Variants in MGA observed in about 807,000 individuals in gnomAD.
MGA encodes MAX dimerization protein MGA.
A neutral mutation model predicts 261.1 loss-of-function variants in MGA; 40 were observed. The observed-to-expected ratio is 0.15, with a 90% CI of 0.12 to 0.20. MGA has a LOEUF of 0.20. Among genes scored for constraint, MGA ranks in the 10% least tolerant of loss-of-function variants. The pLI is 1.00. For missense variants in MGA, 3,397 were observed against 3,630.5 expected (o/e 0.94, Z 1.65); for synonymous variants, 1,302 against 1,290.6 (o/e 1.01, Z -0.19).
chr15:41,648,611 C>G (rs1186647525), intron 1 of MGA, among the ~76,000 whole-genome samples: 3 of 152,078 alleles, frequency 2.0e-5, no homozygotes, highest in Admixed American at 6.6e-5. Context: ...TTTGTGGGGA[C>G]TGGAAGCAAA....
chr15:41,752,679 C>T lies in MGA; in HGVS notation c.7009-1758C>T, dbSNP rs567628040. 2.7e-4 allele frequency among the ~76,000 whole-genome samples: 41 copies of T among 151,668 alleles called. 1 individual carries two copies. Among genetic ancestry groups the T allele is most frequent in the African/African-American group, 8.7e-4 (36 of 41,348 alleles). On this transcript the variant is annotated intron_variant, in intron 17 of 23. Transcript: ENST00000219905. ...AAGCGATTCTTCTGCCTCAGCCTCC[C>T]GAGTAGCTTGGGATTACAGGTGGGC...
chr15:41,638,802 T>A (rs1467589810), intron 1 of MGA, among the ~76,000 whole-genome samples: 3 of 149,710 alleles, frequency 2.0e-5, no homozygotes, highest in African/African-American at 7.3e-5. Flanking sequence ...GTGATTCTCC[T>A]ACCTCAGCCT....
At chr15:41,749,047 A>G in intron 16 of MGA, 64 bp from the exon 17 acceptor site, 1 of 1,549,242 alleles carries the variant, frequency 6.5e-7, no homozygotes, top group Non-Finnish European at 8.7e-7. Context: ...AAGAAAAGCA[A>G]ACATTGGAAG....
Position 41,669,882 on chromosome 15 carries a change from C to G in MGA, c.988C>G (p.Arg330Gly), listed in dbSNP as rs182187974. ...GGAGAAGACTTCCCTTAATATAAAACGAGACTTTCTTGGTTTCATGGATAC... is the reference window on the plus strand; with the variant it reads ...GGAGAAGACTTCCCTTAATATAAAAGGAGACTTTCTTGGTTTCATGGATAC... Residue 330 changes from arginine to glycine, a missense_variant, in exon 2 of 24, where the codon CGA becomes GGA. By Grantham distance (125) the Arg-to-Gly change is moderately radical. Transcript: ENST00000219905. The G allele has an allele frequency of 7.2e-3, 11,563 of 1,613,900 alleles. 67 individuals are homozygous for G. Among genetic ancestry groups the G allele is most frequent in the Non-Finnish European group, 9.1e-3 (10,684 of 1,179,834 alleles).
chr15:41,623,172 G>T (rs1190334823), intron 1 of MGA, among the ~76,000 whole-genome samples: 2 of 152,078 alleles, frequency 1.3e-5, no homozygotes, highest in Non-Finnish European at 2.9e-5. Flanking sequence ...TTTGCCAAAT[G>T]GTTTTAAAAT....
intron 2 of MGA, among the ~76,000 whole-genome samples, chr15:41,674,072 A>G (rs2058239085): frequency 6.6e-6 from 1 of 151,426 alleles, no homozygotes; most frequent in Admixed American, 6.6e-5. Context: ...TTGTAGTTTT[A>G]GTAGAGGTGG....
At chr15:41,732,739 T>C (rs943260550) in intron 11 of MGA, among the ~76,000 whole-genome samples, 1 of 152,204 alleles carries the variant, frequency 6.6e-6, no homozygotes, top group East Asian at 1.9e-4. Context: ...CTTTCATTAT[T>C]ATCTGCTCAG....
intron 15 of MGA, among the ~76,000 whole-genome samples, chr15:41,747,711 A>T (rs1012651196): frequency 2.0e-5 from 3 of 152,116 alleles, no homozygotes; most frequent in African/African-American, 4.8e-5. Flanking sequence ...AATGAAGTTG[A>T]AGCATAATTT....
In MGA at chr15:41,725,652, G is replaced by A. The variant is rs892987981; in HGVS notation, c.3431-1528G>A. Among the ~76,000 whole-genome samples, 232 of 47,006 alleles carry A rather than the reference G, an allele frequency of 4.9e-3. 87 individuals carry two copies. The highest frequency in any genetic ancestry group is 0.012 in the African/African-American group (227 of 18,246). 30.8% of individuals were successfully genotyped at this position (47,006 alleles called of 152,430 possible). A position where few individuals can be genotyped will look rare whatever the true frequency, so the allele number is the denominator to read the frequency against. On this transcript the variant is annotated intron_variant, in intron 9 of 23. Transcript: ENST00000219905. ...ATCGAGACCATCCCGGCTAAAAAAC[G>A]GTGAAACCCCGTCTCTACTAAAAAT...
At chr15:41,631,813 TA>T (rs1279035688) in intron 1 of MGA, among the ~76,000 whole-genome samples, 1 of 152,176 alleles carries the variant, frequency 6.6e-6, no homozygotes, top group Non-Finnish European at 1.5e-5. Flanking sequence ...TTTGAGAAGA[TA>T]AATACATAAG....
At chr15:41,650,276 T>G (rs977024630) in intron 1 of MGA, among the ~76,000 whole-genome samples, 1 of 152,164 alleles carries the variant, frequency 6.6e-6, no homozygotes, top group Admixed American at 6.5e-5. Context: ...TAATGAATAC[T>G]CTGTTCTTTT....
chr15:41,727,293 C>G lies in MGA; in HGVS notation c.3544C>G (p.Pro1182Ala), dbSNP rs1567040217. ...TATCCCCACGCCTTCTGTCATTGAG[C>G]CTATGAAACCATTGTTATTGCCTCA... Residue 1182 changes from proline (P) to alanine (A), a missense_variant, in exon 10 of 24, where the codon CCT becomes GCT. This residue lies in a region of MGA where 519 missense variants were observed against 554.1 expected (regional missense o/e 0.94). Transcript: ENST00000219905. 2 of 1,613,936 alleles carry G rather than the reference C, an allele frequency of 1.2e-6. No homozygotes were observed. The highest frequency in any genetic ancestry group is 1.7e-6 in the Non-Finnish European group (2 of 1,179,852).
Position 41,623,775 on chromosome 15 carries a change from AT to A in MGA, c.-68+2493del, listed in dbSNP as rs202119156. On this transcript the variant is annotated intron_variant, in intron 1 of 8. Coordinates refer to the MGA transcript ENST00000566718. ...GTGAATTATTTATATATATATATAT[AT>A]TTTTTTTTTTTTTTTGAGAGGGAGT... 3.2e-3 allele frequency among the ~76,000 whole-genome samples: 353 copies of A among 110,740 alleles called. 1 individual carries two copies. The highest frequency in any genetic ancestry group is 8.4e-3 in the African/African-American group (249 of 29,506). 72.6% of individuals were successfully genotyped at this position (110,740 alleles called of 152,430 possible). A position where few individuals can be genotyped will look rare whatever the true frequency, so the allele number is the denominator to read the frequency against.
At chr15:41,629,231 A>G (rs1052194008) in intron 1 of MGA, among the ~76,000 whole-genome samples, 14 of 152,148 alleles carry the variant, frequency 9.2e-5, no homozygotes, top group African/African-American at 3.4e-4. Context: ...TCAAGGTAGA[A>G]CCAACAGGAT....
At chr15:41,737,270 A>G (rs2061833732) in intron 13 of MGA, among the ~76,000 whole-genome samples, 1 of 151,540 alleles carries the variant, frequency 6.6e-6, no homozygotes, top group African/African-American at 2.4e-5. Flanking sequence ...GATTACAGGC[A>G]TGTGACACCA....
chr15:41,707,663 CAAAG>C (rs748163023), intron 5 of MGA, 61 bp from the exon 6 acceptor site: 82 of 1,454,792 alleles, frequency 5.6e-5, no homozygotes, highest in Non-Finnish European at 7.3e-5. Context: ...AAGTTAAAAA[CAAAG>C]AAGGGAGATA....
At chr15:41,678,408 A>G (rs2058494717) in intron 2 of MGA, among the ~76,000 whole-genome samples, 1 of 146,726 alleles carries the variant, frequency 6.8e-6, no homozygotes, top group African/African-American at 2.5e-5. Context: ...TTAGTGGTGT[A>G]AGGTAAGGCT....
chr15:41,655,462 C>G (rs1379556139), upstream of MGA, among the ~76,000 whole-genome samples: 1 of 152,002 alleles, frequency 6.6e-6, no homozygotes, highest in East Asian at 1.9e-4. Flanking sequence ...CGTGAGCCAC[C>G]GTGTCTGGCT....
intron 13 of MGA, 113 bp from the exon 14 acceptor site, chr15:41,739,793 T>C (rs1410472409): frequency 1.8e-6 from 2 of 1,083,522 alleles, no homozygotes; most frequent in Non-Finnish European, 1.3e-6. Flanking sequence ...TTTTCCCTTT[T>C]AAATCTGAAA....
Sources: allele counts gnomAD v4.1 joint callset (sites outside exome capture counted in the v4.1 genomes callset), GRCh38; gene constraint gnomAD v4.1.1; regional missense constraint gnomAD v4.1.1; transcripts MANE v1.5; gene names NCBI Gene and HGNC (gene_info 2026-07-23, HGNC 2026-07-21).